Variants in CHODL observed in about 807,000 individuals in gnomAD.
The protein encoded by CHODL is chondrolectin.
In CHODL, 29 loss-of-function variants were observed where a neutral mutation model predicts 34.5. The ratio of observed to expected loss-of-function variants is 0.84; its 90% CI spans 0.63 to 1.15. The LOEUF (loss-of-function observed/expected upper bound fraction) is 1.15, where lower values mean the gene tolerates loss of function less well. CHODL is among the 50% of genes most tolerant of loss of function. The pLI is 0.00. For missense variants in CHODL, 332 were observed against 332.5 expected (o/e 1.00, Z 0.01); for synonymous variants, 125 against 116.1 (o/e 1.08, Z -0.49).
intron 2 of CHODL, among the ~76,000 whole-genome samples, chr21:18,100,334 A>T (rs1012347695): frequency 2.0e-5 from 3 of 152,108 alleles, no homozygotes; most frequent in African/African-American, 7.2e-5. Flanking sequence ...CAGGATGATA[A>T]TGTCTTTATA....
chr21:18,263,901 C>CTTTTTTTT (rs34968795), intron 5 of CHODL, among the ~76,000 whole-genome samples: 11 of 141,364 alleles, frequency 7.8e-5, no homozygotes, highest in African/African-American at 2.9e-4. Context: ...CATTAATAAC[C>CTTTTTTTT]TTTTTTTTTT....
At chr21:18,049,146 A>G (rs2064481923) in intron 2 of CHODL, among the ~76,000 whole-genome samples, 1 of 152,004 alleles carries the variant, frequency 6.6e-6, no homozygotes, top group East Asian at 1.9e-4. Flanking sequence ...TTCAGCTTCA[A>G]TAATGGCTGA....
chr21:18,039,983 G>A (rs1324289928), intron 2 of CHODL, among the ~76,000 whole-genome samples: 1 of 151,690 alleles, frequency 6.6e-6, no homozygotes, highest in Non-Finnish European at 1.5e-5. Context: ...CATGGACTAA[G>A]TTCACAGGAT....
chr21:18,046,550 T>A (rs1035686074), intron 2 of CHODL, among the ~76,000 whole-genome samples: 15 of 152,048 alleles, frequency 9.9e-5, no homozygotes, highest in Admixed American at 3.3e-4. Context: ...GTAATGGTAA[T>A]GTCATTTATT....
At chr21:17,925,253 A>G (rs909242971) in intron 1 of CHODL, among the ~76,000 whole-genome samples, 1 of 152,228 alleles carries the variant, frequency 6.6e-6, no homozygotes, top group African/African-American at 2.4e-5. Flanking sequence ...AATTGTGACC[A>G]GTCCATAACA....
chr21:18,101,589 C>T (rs1240812412), intron 2 of CHODL, among the ~76,000 whole-genome samples: 1 of 151,994 alleles, frequency 6.6e-6, no homozygotes, highest in Non-Finnish European at 1.5e-5. Context: ...AAAAAGATGT[C>T]TAACCTACAT....
chr21:18,225,262 A>G (rs1426452710), intron 2 of CHODL, among the ~76,000 whole-genome samples: 1 of 152,144 alleles, frequency 6.6e-6, no homozygotes, highest in Non-Finnish European at 1.5e-5. Flanking sequence ...TAAAACTTAG[A>G]TTATCTTAGC....
At chr21:18,142,004 G>C (rs2072809512) in intron 2 of CHODL, among the ~76,000 whole-genome samples, 1 of 152,100 alleles carries the variant, frequency 6.6e-6, no homozygotes, top group Non-Finnish European at 1.5e-5. Context: ...TGTTTAATGA[G>C]TGTTATAAGG....
At chr21:18,073,571 CCTTAT>C (rs1485729556) in intron 2 of CHODL, among the ~76,000 whole-genome samples, 3 of 151,964 alleles carry the variant, frequency 2.0e-5, no homozygotes, top group Non-Finnish European at 2.9e-5. Flanking sequence ...AAAATTTCCA[CCTTAT>C]CTTTTTACTG....
intron 2 of CHODL, among the ~76,000 whole-genome samples, chr21:18,144,487 A>G (rs745868534): frequency 2.0e-5 from 3 of 152,126 alleles, no homozygotes; most frequent in Non-Finnish European, 4.4e-5. Flanking sequence ...TGTGCATGTC[A>G]CTTGTGATGA....
intron 2 of CHODL, among the ~76,000 whole-genome samples, chr21:18,196,705 T>C (rs1266331412): frequency 3.3e-5 from 5 of 152,172 alleles, no homozygotes; most frequent in Non-Finnish European, 4.4e-5. Context: ...AAATATTGCA[T>C]CATATAAAAA....
chr21:18,224,724 A>C (rs937782613), intron 2 of CHODL, among the ~76,000 whole-genome samples: 4 of 152,118 alleles, frequency 2.6e-5, no homozygotes, highest in African/African-American at 9.7e-5. Context: ...TTAAACATAA[A>C]TTGTTTTTAT....
intron 1 of CHODL, among the ~76,000 whole-genome samples, chr21:17,951,547 A>T (rs1174197056): frequency 3.5e-5 from 5 of 140,954 alleles, no homozygotes; most frequent in African/African-American, 1.2e-4. Flanking sequence ...CACACACACA[A>T]TCCACATGTT....
chr21:18,226,110 T>C (rs1248894852), intron 2 of CHODL, among the ~76,000 whole-genome samples: 1 of 152,074 alleles, frequency 6.6e-6, no homozygotes, highest in Non-Finnish European at 1.5e-5. Context: ...CTTGTTGCCT[T>C]GTAAGGTAGC....
intron 1 of CHODL, among the ~76,000 whole-genome samples, chr21:18,027,717 T>C (rs1276569268): frequency 6.6e-6 from 1 of 152,208 alleles, no homozygotes; most frequent in Non-Finnish European, 1.5e-5. Context: ...CAAATTCATA[T>C]GTTGAAATTC....
intron 2 of CHODL, among the ~76,000 whole-genome samples, chr21:18,029,981 C>G (rs1312231712): frequency 6.6e-6 from 1 of 152,092 alleles, no homozygotes; most frequent in African/African-American, 2.4e-5. Context: ...AGAGGCTTCT[C>G]TAGCCCCCTT....
chr21:17,992,948 C>T (rs1055097034), intron 1 of CHODL, among the ~76,000 whole-genome samples: 18 of 151,958 alleles, frequency 1.2e-4, no homozygotes, highest in East Asian at 1.9e-4. Flanking sequence ...CCACGGCGCC[C>T]GGCCGAGGGT....
intron 2 of CHODL, among the ~76,000 whole-genome samples, chr21:18,127,391 G>A (rs574012622): frequency 2.6e-5 from 4 of 152,194 alleles, no homozygotes; most frequent in Admixed American, 2.0e-4. Context: ...TTGATTTTCT[G>A]TCTGGGGCAG....
At chr21:18,257,393 A>G (rs1226833374) in intron 3 of CHODL, among the ~76,000 whole-genome samples, 1 of 152,194 alleles carries the variant, frequency 6.6e-6, no homozygotes, top group Admixed American at 6.5e-5. Context: ...ATAAAACCAA[A>G]TATTTTTGTA....
Sources: gnomAD v4.1 joint callset for allele counts (sites outside exome capture counted in the v4.1 genomes callset) on GRCh38, gnomAD v4.1.1 for gene constraint, MANE v1.5 for transcripts, NCBI Gene and HGNC (gene_info 2026-07-23, HGNC 2026-07-21) for gene names.